UBR4: variants seen among roughly 807,000 people sequenced by gnomAD.
The protein encoded by UBR4 is ubiquitin protein ligase E3 component n-recognin 4.
A neutral mutation model predicts 575.6 loss-of-function variants in UBR4; 124 were observed. The ratio of observed to expected loss-of-function variants is 0.22; its 90% confidence interval spans 0.19 to 0.25. The LOEUF (loss-of-function observed/expected upper bound fraction) is 0.25, where lower values mean the gene tolerates loss of function less well. Among genes scored for constraint, UBR4 ranks in the 10% least tolerant of loss-of-function variants. The pLI, the probability that UBR4 is intolerant of heterozygous loss-of-function variation, is 1.00. For missense variants in UBR4, 4,818 were observed against 6,478.8 expected (o/e 0.74, Z 8.80); for synonymous variants, 2,455 against 2,473.7 (o/e 0.99, Z 0.22).
rs2079243421 is a variant in UBR4, at chr1:19,106,729, G to A, written c.12236-3C>T. The A allele has an allele frequency of 3.1e-6, 5 of 1,597,900 alleles. No individual in the cohort carries two copies. The East Asian group carries it at 6.7e-5, about 21-fold the overall frequency. ...GGCTTTCCCATTGCCATCTATCCCT[G>A]CAAGGCCAAGGGTTGCAGGGGTAGT... On this transcript the variant is annotated splice_region_variant and splice_polypyrimidine_tract_variant and intron_variant, in intron 82 of 105. Transcript: ENST00000375254.
At chr1:19,083,762 C>T (rs2148625459) in intron 102 of UBR4, among the ~76,000 whole-genome samples, 1 of 152,338 alleles carries the variant, frequency 6.6e-6, no homozygotes, top group African/African-American at 2.4e-5. Flanking sequence ...TCAAGCAATC[C>T]TCTTACCTTG....
At chr1:19,096,720 A>AGACAGCCCTATTCCTGGCTGATGGCT in intron 91 of UBR4, 70 bp from the exon 92 acceptor site, 1 of 1,579,450 alleles carries the variant, frequency 6.3e-7, no homozygotes, top group South Asian at 1.2e-5. Flanking sequence ...GGCCAGGATA[A>AGACAGCCCTATTCCTGGCTGATGGCT]GACAGCCCTA....
At chr1:19,156,191 G>A in intron 42 of UBR4, 80 bp downstream of exon 42, 2 of 1,545,890 alleles carry the variant, frequency 1.3e-6, no homozygotes, top group Non-Finnish European at 8.7e-7. Context: ...TTAACTCCTG[G>A]GAGAAGCTAG....
chr1:19,146,839 G>C lies in UBR4; in HGVS notation c.7791C>G (p.Pro2597=). The change falls in exon 52 of 106, where the codon CCC becomes CCG. Residue 2597 remains proline (P), a synonymous_variant. Coordinates refer to ENST00000375254, the MANE Select transcript of UBR4 (RefSeq NM_020765.3). The part of the protein sequence containing the change: ...NLVHFTESKL[P]QMETEGMDEG... ...GGCCAAGTTCACCTGTTTCCATCTG[G>C]GGCAGCTTTGACTCCGTAAAGTGGA... 2 of 1,613,326 alleles carry C rather than the reference G, an allele frequency of 1.2e-6. No homozygotes were observed. Among genetic ancestry groups the C allele is most frequent in the Non-Finnish European group, 1.7e-6 (2 of 1,179,536 alleles).
chr1:19,082,200 T>G (rs1169023385), intron 102 of UBR4: 1 of 192,526 alleles, frequency 5.2e-6, no homozygotes, highest in Non-Finnish European at 1.1e-5. Context: ...GCGTCCTAAG[T>G]TGCAATGATG....
intron 70 of UBR4, 61 bp downstream of exon 70, chr1:19,119,496 C>T (rs891674089): frequency 1.1e-5 from 18 of 1,577,746 alleles, no homozygotes; most frequent in Admixed American, 8.8e-5. Flanking sequence ...ATATTCTTAA[C>T]TCAAGAGAAA....
rs373987232 is a variant in UBR4 at position 19,171,840 on chromosome 1, A to G, written c.3522-957T>C. Among the ~76,000 whole-genome samples, 29 of 152,276 alleles carry G rather than the reference A, an allele frequency of 1.9e-4. No homozygotes were observed. In the East Asian group the frequency reaches 5.2e-3, roughly 27 times the overall value. The stretch of plus-strand genomic sequence containing the variant: ...GGCCTGGGTGACACAGTGAGATTCC[A>G]TCTCAAAACAAAAAAGCACCATAGA... On this transcript the variant is annotated intron_variant, in intron 25 of 105. Coordinates refer to ENST00000375254, the MANE Select transcript of UBR4 (RefSeq NM_020765.3).
intron 62 of UBR4, among the ~76,000 whole-genome samples, chr1:19,127,971 G>A (rs1237029242): frequency 2.6e-5 from 4 of 152,146 alleles, no homozygotes. Context: ...TCACCTCACT[G>A]AGCACAAAAG....
rs189632100 is a variant in UBR4 at position 19,140,310 on chromosome 1, C to G, written c.8593+478G>C. 2.6e-5 allele frequency among the ~76,000 whole-genome samples: 4 copies of G among 152,086 alleles called. No homozygotes were observed. The East Asian group carries it at 7.7e-4, about 29-fold the overall frequency. ...TAGATTTTAATTGTCCATAAAAACC[C>G]TCTCTCTCAAGCTCACAGATCCTGA... On this transcript the variant is annotated intron_variant, in intron 58 of 105. Coordinates refer to ENST00000375254, the MANE Select transcript of UBR4 (RefSeq NM_020765.3).
At chr1:19,108,495 C>T (rs758005262) in intron 81 of UBR4, among the ~76,000 whole-genome samples, 56 of 151,578 alleles carry the variant, frequency 3.7e-4, no homozygotes, top group Non-Finnish European at 6.8e-4. Context: ...GCAGCAGAGG[C>T]GCTTTCTGTG....
chr1:19,080,394 A>C (rs2148510037), intron 103 of UBR4: 1 of 152,300 alleles, frequency 6.6e-6, no homozygotes, highest in African/African-American at 2.4e-5. Flanking sequence ...AATCAGGGCT[A>C]ATGGAAATAA....
In UBR4 at chr1:19,096,743, G is replaced by A. The variant is rs749747488; in HGVS notation, c.13391-93C>T. On this transcript the variant is annotated intron_variant, in intron 91 of 105. Transcript: ENST00000375254. ...TAAGACAGCCCTATTCCTGGCTGAT[G>A]GCTGACAGCCCTTTTCCGTATCTCC... 21 of 1,511,194 alleles carry A rather than the reference G, an allele frequency of 1.4e-5. No homozygotes were observed. In the Admixed American group the frequency reaches 4.2e-4, roughly 30 times the overall value. The allele number at this position is 1,511,194 out of a possible 1,614,324, so 93.6% of individuals were successfully genotyped here. A position where few individuals can be genotyped will look rare whatever the true frequency, so the allele number is the denominator to read the frequency against.
At chr1:19,166,246 G>C (rs913256262) in intron 29 of UBR4, among the ~76,000 whole-genome samples, 1 of 152,160 alleles carries the variant, frequency 6.6e-6, no homozygotes, top group Admixed American at 6.5e-5. Flanking sequence ...AAACAGAACT[G>C]TTCTTTACAG....
intron 94 of UBR4, among the ~76,000 whole-genome samples, chr1:19,094,446 T>C (rs1191075009): frequency 2.6e-5 from 4 of 152,162 alleles, no homozygotes; most frequent in African/African-American, 7.2e-5. Flanking sequence ...GCCAAATCAT[T>C]AGCACCAATA....
chr1:19,160,279 G>A lies in UBR4; in HGVS notation c.5409C>T (p.Ala1803=), dbSNP rs1308487998. 1.9e-6 allele frequency: 3 copies of A among 1,596,750 alleles called. No homozygotes were observed. Among genetic ancestry groups the A allele is most frequent in the South Asian group, 1.1e-5 (1 of 87,922 alleles). Residue 1803 remains alanine, a splice_region_variant and synonymous_variant, in exon 39 of 106, where the codon GCC becomes GCT. Transcript: ENST00000375254. The part of the protein sequence containing the change: ...EGCREELQNQ[A]NFSFAPLVLD... The stretch of plus-strand genomic sequence containing the variant: ...ACACGAGAGGAGCGAAGGAGAAATT[G>A]GCCTGAGAAAAATAGAAAAAATACA...
At chr1:19,146,055 A>C in intron 52 of UBR4, 122 bp from the exon 53 acceptor site, 2 of 1,576,274 alleles carry the variant, frequency 1.3e-6, no homozygotes, top group Non-Finnish European at 1.7e-6. Flanking sequence ...GGCCCCAATC[A>C]ATATGCCAAC....
intron 73 of UBR4, among the ~76,000 whole-genome samples, chr1:19,116,786 AGTGT>A (rs1425368454): frequency 6.6e-6 from 1 of 152,240 alleles, no homozygotes; most frequent in African/African-American, 2.4e-5. Context: ...GAAATCGAAG[AGTGT>A]GTGTACTAAA....
intron 8 of UBR4, 37 bp downstream of exon 8, chr1:19,197,104 G>T: frequency 1.2e-6 from 2 of 1,608,324 alleles, no homozygotes; most frequent in South Asian, 2.2e-5. Flanking sequence ...ATCTCTGCTT[G>T]ACTGAGAAAA....
At position 19,177,742 on chromosome 1, in the gene UBR4, A is replaced by C. The variant is rs761773171; in HGVS notation, c.2356T>G (p.Phe786Val). Residue 786 changes from phenylalanine (F) to valine (V), a missense_variant and splice_region_variant, in exon 19 of 106, where the codon TTT becomes GTT. Coordinates refer to ENST00000375254, the MANE Select transcript of UBR4 (RefSeq NM_020765.3). ...VPECLKVWDR[F>V]LSTMKQNALQ... ...GCATTCTGCTTCATTGTAGACAAAA[A>C]CCTACCAGAGAGAAAAGATGACTAT... 4 of 1,611,476 alleles carry C rather than the reference A, an allele frequency of 2.5e-6. No individual in the cohort carries two copies. In the Admixed American group the frequency reaches 6.7e-5, roughly 27 times the overall value.
Sources: allele counts gnomAD v4.1 joint callset (sites outside exome capture counted in the v4.1 genomes callset), GRCh38; gene constraint gnomAD v4.1.1; transcripts MANE v1.5; gene names NCBI Gene and HGNC (gene_info 2026-07-23, HGNC 2026-07-21).